ABAT: variants seen among roughly 807,000 people sequenced by gnomAD.
ABAT encodes the protein 4-aminobutyrate aminotransferase, also known as 4-aminobutyrate aminotransferase, mitochondrial.
Under a neutral mutation model 64.6 loss-of-function variants are expected in ABAT, and 45 were observed. The ratio of observed to expected loss-of-function variants is 0.70; its 90% CI spans 0.55 to 0.89. The LOEUF is 0.89. Ranked by LOEUF, ABAT falls within the 40% of genes least tolerant of loss-of-function variation. ABAT has a pLI of 0.00. For missense variants in ABAT, 633 were observed against 658.4 expected (o/e 0.96, Z 0.42); for synonymous variants, 297 against 250.5 (o/e 1.19, Z -1.75).
Position 8,757,776 on chromosome 16 carries a change from G to C in ABAT, c.336G>C (p.Leu112=). 6.2e-7 allele frequency: 1 copy of C among 1,614,080 alleles called. No individual in the cohort carries two copies. The change falls in exon 6 of 16, where the codon CTG becomes CTC. Residue 112 remains leucine (L), a synonymous_variant. Transcript: ENST00000268251. ...SVPIGYSHPA[L]LKLIQQPQNA... ...CCTCAGGTTACAGCCACCCCGCCCT[G>C]CTGAAACTCATCCAACAGCCTCAAA...
At chr16:8,683,920 G>A (rs2057392009) in intron 1 of ABAT, among the ~76,000 whole-genome samples, 1 of 151,126 alleles carries the variant, frequency 6.6e-6, no homozygotes, top group African/African-American at 2.4e-5. Flanking sequence ...GTGTACAGTA[G>A]TAGGGGTGTG....
At chr16:8,745,637 G>T (rs1216486804) in intron 2 of ABAT, among the ~76,000 whole-genome samples, 1 of 152,116 alleles carries the variant, frequency 6.6e-6, no homozygotes, top group Non-Finnish European at 1.5e-5. Context: ...GGTCAGGGGT[G>T]CAGTGAGCCT....
intron 1 of ABAT, among the ~76,000 whole-genome samples, chr16:8,685,157 G>A (rs149019834): frequency 1.2e-4 from 18 of 151,666 alleles, no homozygotes; most frequent in African/African-American, 3.4e-4. Flanking sequence ...ATGGTGGTGC[G>A]TGCCTATAGT....
intron 1 of ABAT, among the ~76,000 whole-genome samples, chr16:8,682,254 G>A (rs548165090): frequency 6.7e-6 from 1 of 150,370 alleles, no homozygotes; most frequent in South Asian, 2.1e-4. Flanking sequence ...TGTATTTGTT[G>A]GATGTTGGAT....
intron 6 of ABAT, 73 bp downstream of exon 6, chr16:8,757,879 T>G (rs2037765503): frequency 1.3e-6 from 2 of 1,486,448 alleles, no homozygotes. Flanking sequence ...GGGCAGACTT[T>G]GGCAATAGTC....
chr16:8,702,387 G>A (rs1016099120), intron 1 of ABAT, among the ~76,000 whole-genome samples: 7 of 152,102 alleles, frequency 4.6e-5, no homozygotes, highest in African/African-American at 1.4e-4. Flanking sequence ...CAAGTAGCTG[G>A]GATTATAGGC....
intron 1 of ABAT, among the ~76,000 whole-genome samples, chr16:8,725,764 T>C (rs1159000735): frequency 6.6e-6 from 1 of 152,206 alleles, no homozygotes; most frequent in African/African-American, 2.4e-5. Flanking sequence ...GGGGTGGAAT[T>C]GCTGGGTCAT....
At chr16:8,751,041 C>T (rs76451461) in intron 5 of ABAT, among the ~76,000 whole-genome samples, 8 of 151,408 alleles carry the variant, frequency 5.3e-5, no homozygotes, top group Non-Finnish European at 7.4e-5. Context: ...CTCTGCCTCC[C>T]GGGTTCAAGT....
At chr16:8,745,864 T>C (rs371462752) in intron 2 of ABAT, 137 bp from the exon 3 acceptor site, 53 of 781,706 alleles carry the variant, frequency 6.8e-5, no homozygotes, top group African/African-American at 6.1e-4. Flanking sequence ...CCAGACACAG[T>C]GTTCTGGGGT....
chr16:8,741,414 T>G (rs2059158773), intron 2 of ABAT, among the ~76,000 whole-genome samples: 1 of 152,258 alleles, frequency 6.6e-6, no homozygotes, highest in Non-Finnish European at 1.5e-5. Context: ...GCTAACCACT[T>G]GCTAGCTGTG....
intron 1 of ABAT, among the ~76,000 whole-genome samples, chr16:8,707,999 G>A (rs964489012): frequency 6.6e-6 from 1 of 152,170 alleles, no homozygotes; most frequent in Admixed American, 6.5e-5. Flanking sequence ...TAAAATCAGT[G>A]GTCAGTCTTG....
chr16:8,725,927 A>G (rs186057007), intron 1 of ABAT, among the ~76,000 whole-genome samples: 2 of 152,210 alleles, frequency 1.3e-5, no homozygotes, highest in Admixed American at 6.5e-5. Context: ...ACCTGCCTCG[A>G]GAACCCCCTC....
intron 1 of ABAT, among the ~76,000 whole-genome samples, chr16:8,699,414 C>A (rs983942517): frequency 6.6e-6 from 1 of 152,056 alleles, no homozygotes; most frequent in African/African-American, 2.4e-5. Context: ...AAAAATTAGC[C>A]AGGCATGATA....
intron 12 of ABAT, 43 bp downstream of exon 12, chr16:8,772,960 CT>C (rs770014979): frequency 6.2e-7 from 1 of 1,611,930 alleles, no homozygotes; most frequent in Non-Finnish European, 8.5e-7. Flanking sequence ...ATTGGGTTTT[CT>C]GGGTTGAGTT....
At chr16:8,744,958 G>C (rs944938928) in intron 2 of ABAT, among the ~76,000 whole-genome samples, 1 of 152,032 alleles carries the variant, frequency 6.6e-6, no homozygotes, top group Non-Finnish European at 1.5e-5. Context: ...GCTGACCTCC[G>C]GTGCTGGACA....
rs536756401 is a variant in ABAT, at chr16:8,747,843, T to G, written c.169-265T>G. ...GATAAACACCTTCAGCTTAAGATTT[T>G]CTTGCTAAATATTTTAGTTTATTTT... On this transcript the variant is annotated intron_variant, in intron 3 of 15. Coordinates refer to ENST00000268251, the MANE Select transcript of ABAT (RefSeq NM_020686.6). 9.2e-5 allele frequency among the ~76,000 whole-genome samples: 14 copies of G among 152,338 alleles called. No individual in the cohort carries two copies. The South Asian group carries it at 2.9e-3, about 32-fold the overall frequency.
At chr16:8,756,042 C>G (rs1197534899) in intron 5 of ABAT, among the ~76,000 whole-genome samples, 1 of 146,466 alleles carries the variant, frequency 6.8e-6, no homozygotes, top group African/African-American at 2.6e-5. Context: ...GAGCGAGACT[C>G]TCTCTCAAAA....
At chr16:8,676,196 G>A (rs567484814) in intron 1 of ABAT, among the ~76,000 whole-genome samples, 2 of 152,280 alleles carry the variant, frequency 1.3e-5, no homozygotes, top group Admixed American at 1.3e-4. Context: ...TTAGCCACGG[G>A]GAGAGGTAAA....
At chr16:8,745,475 T>C (rs2059301894) in intron 2 of ABAT, among the ~76,000 whole-genome samples, 1 of 151,872 alleles carries the variant, frequency 6.6e-6, no homozygotes, top group Admixed American at 6.6e-5. Context: ...GGCAGGTGGA[T>C]TGCTTGAGCC....
Sources: gnomAD v4.1 joint callset for allele counts (sites outside exome capture counted in the v4.1 genomes callset) on GRCh38, gnomAD v4.1.1 for gene constraint, MANE v1.5 for transcripts, NCBI Gene and HGNC (gene_info 2026-07-23, HGNC 2026-07-21) for gene names.